The following PHACTR1 variants were observed in gnomAD, a reference collection of about 807,000 sequenced individuals.
PHACTR1 encodes phosphatase and actin regulator 1.
Under a neutral mutation model 69.2 loss-of-function variants are expected in PHACTR1, and 16 were observed. That is an observed-to-expected ratio of 0.23 (90% CI 0.16 to 0.35). The LOEUF is 0.35. Ranked by LOEUF, PHACTR1 falls within the 10% of genes least tolerant of loss-of-function variation. The pLI is 1.00. For synonymous variants in PHACTR1, 312 were observed against 284.5 expected (o/e 1.10, Z -0.97); for missense variants, 510 against 734.7 (o/e 0.69, Z 3.54).
chr6:13,231,707 A>T (rs1379593366), intron 10 of PHACTR1, among the ~76,000 whole-genome samples: 2 of 152,272 alleles, frequency 1.3e-5, no homozygotes, highest in African/African-American at 4.8e-5. Context: ...ATATTAAGAT[A>T]TTAACCACCC....
chr6:12,852,141 C>T (rs1779891945), intron 4 of PHACTR1, among the ~76,000 whole-genome samples: 2 of 152,248 alleles, frequency 1.3e-5, no homozygotes, highest in South Asian at 2.1e-4. Flanking sequence ...GGCCAAAAAA[C>T]ATTTTTATTA....
intron 4 of PHACTR1, among the ~76,000 whole-genome samples, chr6:12,804,691 A>G (rs1382490501): frequency 6.6e-6 from 1 of 152,126 alleles, no homozygotes; most frequent in Non-Finnish European, 1.5e-5. Flanking sequence ...ATGTGGTGAC[A>G]TGTGCCTGTA....
intron 4 of PHACTR1, among the ~76,000 whole-genome samples, chr6:12,815,296 G>A (rs576995094): frequency 9.2e-5 from 14 of 152,154 alleles, no homozygotes; most frequent in Admixed American, 5.2e-4. Context: ...ATTTCTAGAC[G>A]CTGAAACTGC....
intron 4 of PHACTR1, among the ~76,000 whole-genome samples, chr6:13,006,750 C>T (rs949308442): frequency 1.3e-5 from 2 of 152,162 alleles, no homozygotes; most frequent in Admixed American, 6.5e-5. Context: ...CAAATTTCAG[C>T]AGCATGACAC....
At chr6:13,194,109 A>G (rs1764004228) in intron 7 of PHACTR1, among the ~76,000 whole-genome samples, 1 of 152,188 alleles carries the variant, frequency 6.6e-6, no homozygotes, top group South Asian at 2.1e-4. Flanking sequence ...TGACTCTTTG[A>G]GAGCAGTTTC....
chr6:13,142,948 G>A (rs537004024), intron 5 of PHACTR1, among the ~76,000 whole-genome samples: 12 of 152,116 alleles, frequency 7.9e-5, no homozygotes, highest in Non-Finnish European at 1.3e-4. Context: ...GAAGTCTCCC[G>A]GATATTTAAT....
intron 4 of PHACTR1, among the ~76,000 whole-genome samples, chr6:12,929,233 A>G (rs1472475468): frequency 2.0e-5 from 3 of 152,160 alleles, no homozygotes; most frequent in Admixed American, 6.5e-5. Flanking sequence ...CCACGTGGTT[A>G]GGCTGCAGCT....
intron 12 of PHACTR1, chr6:13,280,999 G>A (rs1420419305): frequency 7.8e-7 from 1 of 1,289,628 alleles, no homozygotes; most frequent in East Asian, 5.6e-5. Context: ...ACTCTGAGAG[G>A]CAGCAGCCAG....
At chr6:13,123,454 T>C (rs1819055504) in intron 5 of PHACTR1, among the ~76,000 whole-genome samples, 1 of 152,192 alleles carries the variant, frequency 6.6e-6, no homozygotes, top group Non-Finnish European at 1.5e-5. Flanking sequence ...GTGCAAAGCA[T>C]TAAACATTTA....
intron 4 of PHACTR1, among the ~76,000 whole-genome samples, chr6:12,786,798 C>G (rs1738635535): frequency 1.3e-5 from 2 of 152,204 alleles, no homozygotes; most frequent in African/African-American, 4.8e-5. Context: ...CAGAGCAAGG[C>G]ATGCTTGAAA....
chr6:13,065,155 G>A (rs1325095437), intron 5 of PHACTR1, among the ~76,000 whole-genome samples: 2 of 152,140 alleles, frequency 1.3e-5, no homozygotes, highest in Non-Finnish European at 2.9e-5. Context: ...GATAACTGGG[G>A]TCAGGAGAGG....
intron 4 of PHACTR1, among the ~76,000 whole-genome samples, chr6:13,052,692 C>A (rs1806138536): frequency 6.6e-6 from 1 of 152,090 alleles, no homozygotes; most frequent in Non-Finnish European, 1.5e-5. Flanking sequence ...CCTAAAGATA[C>A]CCCCAGCTCT....
intron 4 of PHACTR1, among the ~76,000 whole-genome samples, chr6:12,758,741 GC>G (rs956968259): frequency 1.3e-5 from 2 of 152,010 alleles, no homozygotes; most frequent in Non-Finnish European, 2.9e-5. Context: ...TACATTACTA[GC>G]TTTTCTATGG....
intron 4 of PHACTR1, among the ~76,000 whole-genome samples, chr6:12,847,168 T>C (rs1367549127): frequency 6.6e-6 from 1 of 152,222 alleles, no homozygotes; most frequent in East Asian, 1.9e-4. Flanking sequence ...ATAAGCATTT[T>C]ATGTTGCTGC....
chr6:13,034,167 G>C (rs569482576), intron 4 of PHACTR1, among the ~76,000 whole-genome samples: 1 of 151,962 alleles, frequency 6.6e-6, no homozygotes, highest in African/African-American at 2.4e-5. Context: ...ACAGGCGCCC[G>C]CCACCACGCC....
At chr6:13,167,028 T>C (rs2113604351) in intron 6 of PHACTR1, among the ~76,000 whole-genome samples, 1 of 152,362 alleles carries the variant, frequency 6.6e-6, no homozygotes, top group South Asian at 2.1e-4. Context: ...GTCACCTGGC[T>C]AGCTACTGAT....
At chr6:13,125,552 T>TG (rs1249987263) in intron 5 of PHACTR1, among the ~76,000 whole-genome samples, 1 of 152,212 alleles carries the variant, frequency 6.6e-6, no homozygotes, top group Non-Finnish European at 1.5e-5. Context: ...GGAAAAAATA[T>TG]GTCACTCTTA....
At chr6:13,232,516 C>T (rs1771374337) in intron 10 of PHACTR1, among the ~76,000 whole-genome samples, 1 of 152,174 alleles carries the variant, frequency 6.6e-6, no homozygotes, top group South Asian at 2.1e-4. Context: ...CTTTTAATAC[C>T]TCAGTGATAG....
At chr6:13,195,582 C>T (rs1764249031) in intron 7 of PHACTR1, among the ~76,000 whole-genome samples, 1 of 151,388 alleles carries the variant, frequency 6.6e-6, no homozygotes, top group Admixed American at 6.6e-5. Context: ...CATGGTGAAA[C>T]CCCCATCTCT....
Sources: allele counts gnomAD v4.1 joint callset (sites outside exome capture counted in the v4.1 genomes callset), GRCh38; gene constraint gnomAD v4.1.1; transcripts MANE v1.5; gene names NCBI Gene and HGNC (gene_info 2026-07-23, HGNC 2026-07-21).